Variants in CEP70 observed in about 807,000 individuals in gnomAD.
CEP70 encodes the protein centrosomal protein 70, also known as centrosomal protein of 70 kDa.
A neutral mutation model predicts 90.9 loss-of-function variants in CEP70; 70 were observed. The observed-to-expected ratio is 0.77, with a 90% CI of 0.64 to 0.94. CEP70 has a LOEUF of 0.94. CEP70 is among the 40% of genes least tolerant of loss of function. The pLI, the probability that CEP70 is intolerant of heterozygous loss-of-function variation, is 0.00. For synonymous variants in CEP70, 220 were observed against 228.3 expected (o/e 0.96, Z 0.33); for missense variants, 648 against 669.0 (o/e 0.97, Z 0.35).
intron 16 of CEP70, among the ~76,000 whole-genome samples, chr3:138,499,711 C>T (rs538257690): frequency 1.3e-5 from 2 of 152,000 alleles, no homozygotes; most frequent in South Asian, 2.1e-4. Context: ...CCAAGGCAGG[C>T]GGATCACTTG....
At chr3:138,593,874 T>G (rs2042520873) in intron 1 of CEP70, 1 of 152,158 alleles carries the variant, frequency 6.6e-6, no homozygotes, top group Non-Finnish European at 1.5e-5. Flanking sequence ...ATTCTAAGCT[T>G]TACTCTTACT....
At chr3:138,549,223 G>C (rs189905434) in intron 6 of CEP70, among the ~76,000 whole-genome samples, 106 of 151,500 alleles carry the variant, frequency 7.0e-4, no homozygotes, top group Non-Finnish European at 6.5e-4. Flanking sequence ...GGAAGGGCAT[G>C]AATCTAGTGT....
In CEP70 at chr3:138,570,470, C is replaced by T. The variant is rs376654991; in HGVS notation, c.313G>A (p.Ala105Thr). The T allele has an allele frequency of 1.6e-5, 25 of 1,606,914 alleles. No individual in the cohort carries two copies. The highest frequency in any genetic ancestry group is 2.1e-5 in the Non-Finnish European group (25 of 1,177,906). The part of the protein sequence containing the change: ...RNELQLEQSR[A>T]ANQEQRANDL... ...TTAGCTCGTTGTTCTTGATTGGCTG[C>T]TCGGCTTTGCTCTAGCTGAAGTTCA... The change falls in exon 6 of 18, where the codon GCA becomes ACA. Residue 105 changes from alanine (A) to threonine (T), a missense_variant. By Grantham distance (58) the Ala-to-Thr change is moderately conservative. Transcript: ENST00000264982.
At position 138,590,499 on chromosome 3, in the gene CEP70, C is replaced by T. The variant is rs560445310; in HGVS notation, c.-6+1355G>A. ...ATATTATTTCCCTCTAAATGAAACC[C>T]GGGCATTTTAAAGAAATGGCTGATT... On this transcript the variant is annotated intron_variant, in intron 2 of 17. Transcript: ENST00000264982. 3.3e-5 allele frequency among the ~76,000 whole-genome samples: 5 copies of T among 152,104 alleles called. No homozygotes were observed. In the South Asian group the frequency reaches 6.2e-4, roughly 19 times the overall value.
chr3:138,516,317 C>T (rs1449737097), intron 11 of CEP70, among the ~76,000 whole-genome samples: 1 of 152,044 alleles, frequency 6.6e-6, no homozygotes, highest in Non-Finnish European at 1.5e-5. Context: ...ATTGAATATG[C>T]ATGCATCCTT....
In CEP70 at chr3:138,525,870, C is replaced by T. The variant is rs533116574; in HGVS notation, c.870-306G>A. Among the ~76,000 whole-genome samples, 60 of 152,246 alleles carry T rather than the reference C, an allele frequency of 3.9e-4. No homozygotes were observed. In the South Asian group the frequency reaches 0.012, roughly 30 times the overall value. On this transcript the variant is annotated intron_variant, in intron 10 of 17. Transcript: ENST00000264982. Reference sequence around the variant, plus strand: ...ATAACAAATCCTGGTGTATCCACCACCTAGCTTTATCAAATTTGAATATTA... The same window carrying T: ...ATAACAAATCCTGGTGTATCCACCATCTAGCTTTATCAAATTTGAATATTA...
At chr3:138,545,473 A>G (rs1271894405) in intron 6 of CEP70, among the ~76,000 whole-genome samples, 1 of 152,200 alleles carries the variant, frequency 6.6e-6, no homozygotes, top group Non-Finnish European at 1.5e-5. Flanking sequence ...TATTGTACAA[A>G]TTGATTGTAA....
chr3:138,513,203 C>T (rs374974662), intron 11 of CEP70, among the ~76,000 whole-genome samples: 17 of 152,328 alleles, frequency 1.1e-4, no homozygotes, highest in African/African-American at 3.6e-4. Flanking sequence ...TGCAATCTCT[C>T]GAGACAGTTG....
chr3:138,554,902 T>C (rs1013477269), intron 6 of CEP70, among the ~76,000 whole-genome samples: 2 of 152,134 alleles, frequency 1.3e-5, no homozygotes, highest in African/African-American at 4.8e-5. Context: ...GGTGCTGGGA[T>C]AATTGGCACG....
Position 138,517,775 on chromosome 3 carries a change from T to C in CEP70, c.944+7715A>G, listed in dbSNP as rs570572654. Among the ~76,000 whole-genome samples, 107 of 152,302 alleles carry C rather than the reference T, an allele frequency of 7.0e-4. 1 individual carries two copies. The highest frequency in any genetic ancestry group is 2.3e-3 in the African/African-American group (96 of 41,564). ...CATGAGCAACGCAGAAGACGGGTGATTTCTGCATTTCCAACTGAGGTACGA... is the reference window on the plus strand; with the variant it reads ...CATGAGCAACGCAGAAGACGGGTGACTTCTGCATTTCCAACTGAGGTACGA... On this transcript the variant is annotated intron_variant, in intron 11 of 17. Transcript: ENST00000264982.
chr3:138,508,663 A>ATG, intron 11 of CEP70, 119 bp from the exon 12 acceptor site: 3 of 691,346 alleles, frequency 4.3e-6, no homozygotes, highest in South Asian at 1.6e-5. Flanking sequence ...CTTTACTTAT[A>ATG]TGTGTGTGTG....
intron 2 of CEP70, among the ~76,000 whole-genome samples, chr3:138,575,619 C>T (rs541471153): frequency 2.4e-4 from 36 of 152,152 alleles, no homozygotes; most frequent in South Asian, 6.2e-4. Flanking sequence ...AGATACTCCT[C>T]GAGAAGAGCA....
At chr3:138,587,474 A>C (rs773444) in intron 2 of CEP70, among the ~76,000 whole-genome samples, 2 of 151,862 alleles carry the variant, frequency 1.3e-5, no homozygotes, top group East Asian at 1.9e-4. Flanking sequence ...AGATCTATAA[A>C]AGACAAAACA....
In CEP70 at chr3:138,593,289, C is replaced by T. The variant is rs143848835; in HGVS notation, c.-109+909G>A. On this transcript the variant is annotated intron_variant, in intron 1 of 17. Transcript: ENST00000264982. ...CCAGGCTGGAGTGCAGTGGCGCGAT[C>T]TCGGCTCACAGCAACCTCCGCCTCC... is the stretch of plus-strand genomic sequence containing the variant. Among the ~76,000 whole-genome samples, 856 of 152,312 alleles carry T rather than the reference C, an allele frequency of 5.6e-3. 7 individuals carry two copies. The highest frequency in any genetic ancestry group is 0.02 in the African/African-American group (824 of 41,544).
intron 13 of CEP70, among the ~76,000 whole-genome samples, chr3:138,504,238 A>G (rs570471937): frequency 6.6e-6 from 1 of 152,340 alleles, no homozygotes; most frequent in South Asian, 2.1e-4. Flanking sequence ...AAGTAAGTAT[A>G]TTAATCTAGC....
chr3:138,553,906 CA>C (rs1409773316), intron 6 of CEP70, among the ~76,000 whole-genome samples: 1 of 151,954 alleles, frequency 6.6e-6, no homozygotes, highest in Non-Finnish European at 1.5e-5. Flanking sequence ...AAGCATTTAA[CA>C]AAATCCAGGC....
chr3:138,577,420 G>A (rs1377703763), intron 2 of CEP70, among the ~76,000 whole-genome samples: 2 of 151,938 alleles, frequency 1.3e-5, no homozygotes, highest in Non-Finnish European at 2.9e-5. Context: ...AGGCCAAGGC[G>A]GGCAGATCAC....
intron 8 of CEP70, chr3:138,530,512 C>T (rs2037715487): frequency 8.3e-6 from 7 of 845,826 alleles, no homozygotes; most frequent in Non-Finnish European, 1.0e-5. Flanking sequence ...ATAAAAACAA[C>T]AACAACAACA....
chr3:138,570,562 T>G, intron 5 of CEP70, 64 bp from the exon 6 acceptor site: 1 of 1,295,484 alleles, frequency 7.7e-7, no homozygotes, highest in South Asian at 1.3e-5. Flanking sequence ...ACCAAGCATA[T>G]CCATATAAGA....
Sources: allele counts gnomAD v4.1 joint callset (sites outside exome capture counted in the v4.1 genomes callset), GRCh38; gene constraint gnomAD v4.1.1; transcripts MANE v1.5; gene names NCBI Gene and HGNC (gene_info 2026-07-23, HGNC 2026-07-21).